The following GMDS variants were observed in gnomAD, a reference collection of about 807,000 sequenced individuals.
GMDS encodes GDP-mannose 4,6-dehydratase, also known as GDP-mannose 4,6 dehydratase.
In GMDS, 20 loss-of-function variants were observed where a neutral mutation model predicts 49.9. That is an observed-to-expected ratio of 0.40 (90% CI 0.28 to 0.58). GMDS has a LOEUF of 0.58. GMDS is among the 20% of genes least tolerant of loss of function. GMDS has a pLI of 0.42. For synonymous variants in GMDS, 177 were observed against 178.6 expected (o/e 0.99, Z 0.07); for missense variants, 362 against 481.4 (o/e 0.75, Z 2.32).
At chr6:1,878,880 C>T (rs1489917086) in intron 7 of GMDS, among the ~76,000 whole-genome samples, 1 of 152,070 alleles carries the variant, frequency 6.6e-6, no homozygotes, top group Non-Finnish European at 1.5e-5. Flanking sequence ...TGAAAGAGCC[C>T]CAGCCTTTTC....
At chr6:2,112,879 G>C (rs568267738) in intron 4 of GMDS, among the ~76,000 whole-genome samples, 13 of 152,014 alleles carry the variant, frequency 8.6e-5, no homozygotes, top group African/African-American at 2.9e-4. Context: ...TCAGTCATCA[G>C]CCCTACTTGT....
chr6:1,847,936 T>C (rs896749350), intron 7 of GMDS, among the ~76,000 whole-genome samples: 1 of 152,000 alleles, frequency 6.6e-6, no homozygotes, highest in East Asian at 1.9e-4. Context: ...AGACGAGATA[T>C]ATGAAAGAGA....
chr6:1,999,934 T>TA (rs1159159936), intron 4 of GMDS, among the ~76,000 whole-genome samples: 5 of 77,646 alleles, frequency 6.4e-5, no homozygotes, highest in South Asian at 8.0e-4. Flanking sequence ...TTATATATTA[T>TA]TATATATAAT....
intron 1 of GMDS, among the ~76,000 whole-genome samples, chr6:2,162,985 G>A (rs1401627468): frequency 6.6e-6 from 1 of 152,062 alleles, no homozygotes; most frequent in East Asian, 1.9e-4. Flanking sequence ...AAAATTAGAG[G>A]AGCAACAGCC....
At chr6:1,991,379 C>T (rs1168638026) in intron 4 of GMDS, among the ~76,000 whole-genome samples, 1 of 152,186 alleles carries the variant, frequency 6.6e-6, no homozygotes, top group Admixed American at 6.5e-5. Flanking sequence ...CTACTCCCCA[C>T]ATCGTCACCC....
At chr6:2,211,684 G>C (rs191307682) in intron 1 of GMDS, among the ~76,000 whole-genome samples, 1 of 151,950 alleles carries the variant, frequency 6.6e-6, no homozygotes, top group African/African-American at 2.4e-5. Flanking sequence ...CAAAGAACAC[G>C]TAAGGCAGGA....
intron 1 of GMDS, among the ~76,000 whole-genome samples, chr6:2,142,660 G>A (rs1776358849): frequency 6.6e-6 from 1 of 152,168 alleles, no homozygotes; most frequent in Admixed American, 6.5e-5. Context: ...ATAAGTTTCA[G>A]TTGCTTGAAC....
intron 7 of GMDS, among the ~76,000 whole-genome samples, chr6:1,892,384 G>A (rs1012497400): frequency 6.6e-6 from 1 of 152,146 alleles, no homozygotes. Context: ...TTTTTAGATG[G>A]AATCTCGCTC....
At chr6:1,912,678 G>C (rs1283463239) in intron 7 of GMDS, among the ~76,000 whole-genome samples, 2 of 152,024 alleles carry the variant, frequency 1.3e-5, no homozygotes, top group African/African-American at 4.8e-5. Flanking sequence ...AACAGAAAAA[G>C]AGAAAAAATG....
chr6:2,102,290 T>A (rs75920104), intron 4 of GMDS, among the ~76,000 whole-genome samples: 3,987 of 152,034 alleles, frequency 0.026, 184 homozygotes, highest in African/African-American at 0.09. Context: ...TTGAAAAAAA[T>A]GTTATTAATT....
chr6:2,218,133 C>G (rs996975029), intron 1 of GMDS, among the ~76,000 whole-genome samples: 13 of 152,184 alleles, frequency 8.5e-5, no homozygotes, highest in African/African-American at 3.1e-4. Flanking sequence ...CCCAGCACCA[C>G]CCCAAGCCTG....
chr6:1,985,202 C>T (rs1182790155), intron 4 of GMDS, among the ~76,000 whole-genome samples: 1 of 152,154 alleles, frequency 6.6e-6, no homozygotes, highest in Non-Finnish European at 1.5e-5. Context: ...CTGGCTTTTC[C>T]ACTGAACAGA....
intron 7 of GMDS, among the ~76,000 whole-genome samples, chr6:1,846,063 G>C (rs1757394098): frequency 6.6e-6 from 1 of 151,588 alleles, no homozygotes; most frequent in Non-Finnish European, 1.5e-5. Flanking sequence ...CAAGGTCCAG[G>C]GCCAGACACC....
chr6:1,669,172 AC>A (rs1372108130), intron 9 of GMDS, among the ~76,000 whole-genome samples: 2 of 152,246 alleles, frequency 1.3e-5, no homozygotes, highest in Non-Finnish European at 2.9e-5. Flanking sequence ...TTGATTTCAC[AC>A]AATAATGGAA....
chr6:2,032,717 G>A (rs1769044726), intron 4 of GMDS, among the ~76,000 whole-genome samples: 1 of 152,208 alleles, frequency 6.6e-6, no homozygotes, highest in Non-Finnish European at 1.5e-5. Flanking sequence ...GATTTAACCA[G>A]TAACCTAACT....
At chr6:1,972,558 T>C (rs573973144) in intron 4 of GMDS, among the ~76,000 whole-genome samples, 2 of 152,220 alleles carry the variant, frequency 1.3e-5, no homozygotes, top group African/African-American at 2.4e-5. Flanking sequence ...ACAGGGTCCA[T>C]GGATAAAACT....
intron 1 of GMDS, among the ~76,000 whole-genome samples, chr6:2,215,694 G>A (rs968465863): frequency 1.3e-5 from 2 of 150,946 alleles, no homozygotes; most frequent in African/African-American, 4.9e-5. Flanking sequence ...AGGAAGGAAG[G>A]GGGAAAGGAG....
At chr6:1,838,905 T>C (rs1018461538) in intron 7 of GMDS, among the ~76,000 whole-genome samples, 2 of 152,208 alleles carry the variant, frequency 1.3e-5, no homozygotes, top group Non-Finnish European at 2.9e-5. Flanking sequence ...GCTTTTTCCC[T>C]GAGGTGGGAC....
At chr6:2,042,534 T>C (rs1473640252) in intron 4 of GMDS, among the ~76,000 whole-genome samples, 2 of 152,160 alleles carry the variant, frequency 1.3e-5, no homozygotes, top group Admixed American at 1.3e-4. Flanking sequence ...ATGGGAAAAT[T>C]GTTCCAAAAC....
Sources: gnomAD v4.1 joint callset for allele counts (sites outside exome capture counted in the v4.1 genomes callset) on GRCh38, gnomAD v4.1.1 for gene constraint, MANE v1.5 for transcripts, NCBI Gene and HGNC (gene_info 2026-07-23, HGNC 2026-07-21) for gene names.